IMMP2L: variants seen among roughly 807,000 people sequenced by gnomAD.
IMMP2L encodes mitochondrial inner membrane protease subunit 2.
A neutral mutation model predicts 19.3 loss-of-function variants in IMMP2L; 18 were observed. The observed-to-expected ratio is 0.93, with a 90% CI of 0.64 to 1.38. The LOEUF (loss-of-function observed/expected upper bound fraction) is 1.38, where lower values mean the gene tolerates loss of function less well. IMMP2L is among the 40% of genes most tolerant of loss of function. The probability of loss-of-function intolerance (pLI) is 0.00; values close to 1 mark genes in which losing one functional copy is unlikely to be tolerated. For synonymous variants in IMMP2L, 76 were observed against 73.0 expected, an observed-to-expected ratio of 1.04 and a Z score of -0.21; for missense variants, 233 against 218.2, an observed-to-expected ratio of 1.07 and a Z score of -0.43.
intron 3 of IMMP2L, among the ~76,000 whole-genome samples, chr7:111,121,648 C>A (rs569687468): frequency 3.3e-5 from 5 of 152,126 alleles, no homozygotes; most frequent in Non-Finnish European, 7.4e-5. Context: ...TAAACTAGTT[C>A]AACCATTGTA....
At chr7:110,901,693 T>C (rs1191385260) in intron 4 of IMMP2L, among the ~76,000 whole-genome samples, 2 of 152,228 alleles carry the variant, frequency 1.3e-5, no homozygotes, top group Admixed American at 6.5e-5. Context: ...AGATATTGCA[T>C]ATAAGTAATA....
chr7:111,093,585 A>C (rs1038411025), intron 3 of IMMP2L, among the ~76,000 whole-genome samples: 2 of 152,142 alleles, frequency 1.3e-5, no homozygotes, highest in African/African-American at 2.4e-5. Context: ...AATAGATGAC[A>C]CCTAAGAACA....
At chr7:111,016,729 A>T (rs1301059625) in intron 3 of IMMP2L, among the ~76,000 whole-genome samples, 1 of 98,292 alleles carries the variant, frequency 1.0e-5, no homozygotes, top group African/African-American at 4.3e-5. Flanking sequence ...TTTATATATA[A>T]AATATATATA....
intron 3 of IMMP2L, among the ~76,000 whole-genome samples, chr7:111,462,877 C>T (rs1299436621): frequency 6.6e-6 from 1 of 152,076 alleles, no homozygotes; most frequent in Non-Finnish European, 1.5e-5. Context: ...TATATATACA[C>T]TTAAAAAGAA....
chr7:110,888,331 A>C (rs1810443413), intron 4 of IMMP2L, among the ~76,000 whole-genome samples: 1 of 152,194 alleles, frequency 6.6e-6, no homozygotes, highest in Admixed American at 6.5e-5. Context: ...ATTCTACATG[A>C]AATGTTAATG....
intron 3 of IMMP2L, among the ~76,000 whole-genome samples, chr7:111,109,959 C>A (rs146931470): frequency 6.6e-6 from 1 of 152,220 alleles, no homozygotes; most frequent in African/African-American, 2.4e-5. Flanking sequence ...TATGGTGAAA[C>A]ACTGTGTCTA....
chr7:110,667,566 T>C (rs1169013421), intron 5 of IMMP2L, among the ~76,000 whole-genome samples: 2 of 152,200 alleles, frequency 1.3e-5, no homozygotes, highest in South Asian at 2.1e-4. Flanking sequence ...AAGGGTCAGA[T>C]TCAAAGAGAT....
intron 3 of IMMP2L, among the ~76,000 whole-genome samples, chr7:111,221,275 C>T (rs890169758): frequency 6.6e-6 from 1 of 152,104 alleles, no homozygotes; most frequent in South Asian, 2.1e-4. Context: ...TTCTCTCATA[C>T]TGCTCTAGAG....
At chr7:111,404,922 C>T (rs1304144466) in intron 3 of IMMP2L, among the ~76,000 whole-genome samples, 2 of 152,040 alleles carry the variant, frequency 1.3e-5, no homozygotes, top group Admixed American at 6.6e-5. Flanking sequence ...AAAGTAGTTC[C>T]TTAATTCCTA....
chr7:110,994,407 C>T (rs1445280265), intron 3 of IMMP2L, among the ~76,000 whole-genome samples: 1 of 152,134 alleles, frequency 6.6e-6, no homozygotes, highest in African/African-American at 2.4e-5. Context: ...CATATTTTAG[C>T]TTCCCTTACT....
At chr7:111,236,561 C>G (rs960050645) in intron 3 of IMMP2L, among the ~76,000 whole-genome samples, 5 of 152,102 alleles carry the variant, frequency 3.3e-5, no homozygotes, top group African/African-American at 1.2e-4. Context: ...GATTATTTCT[C>G]CAGCTTTTTG....
At chr7:111,158,609 T>C (rs1414835581) in intron 3 of IMMP2L, among the ~76,000 whole-genome samples, 1 of 152,154 alleles carries the variant, frequency 6.6e-6, no homozygotes, top group Non-Finnish European at 1.5e-5. Flanking sequence ...CCCATACTCA[T>C]GGGTGCTATA....
intron 3 of IMMP2L, among the ~76,000 whole-genome samples, chr7:111,396,280 C>T (rs1410018002): frequency 6.6e-6 from 1 of 151,934 alleles, no homozygotes; most frequent in Non-Finnish European, 1.5e-5. Flanking sequence ...AATGATAAAC[C>T]GGATAAAGAA....
chr7:111,308,647 T>C, intron 3 of IMMP2L, among the ~76,000 whole-genome samples: 1 of 152,044 alleles, frequency 6.6e-6, no homozygotes, highest in African/African-American at 2.4e-5. Context: ...GAAAGAAAAT[T>C]ACATGGAACA....
chr7:110,831,719 T>C (rs1803985161), intron 5 of IMMP2L, among the ~76,000 whole-genome samples: 1 of 152,192 alleles, frequency 6.6e-6, no homozygotes, highest in Non-Finnish European at 1.5e-5. Context: ...AAAAGAAGAA[T>C]GCTCTGGCCT....
chr7:111,535,369 A>C (rs540824850), intron 1 of IMMP2L, among the ~76,000 whole-genome samples: 1 of 152,290 alleles, frequency 6.6e-6, no homozygotes, highest in East Asian at 1.9e-4. Flanking sequence ...GAAAGAAAAA[A>C]ACTGCACACT....
At chr7:111,420,800 C>G (rs1835435728) in intron 3 of IMMP2L, among the ~76,000 whole-genome samples, 1 of 151,778 alleles carries the variant, frequency 6.6e-6, no homozygotes, top group Non-Finnish European at 1.5e-5. Flanking sequence ...TTAATCCAGT[C>G]TATCAATGAT....
chr7:111,528,837 A>G (rs1039851257), intron 1 of IMMP2L, among the ~76,000 whole-genome samples: 1 of 152,194 alleles, frequency 6.6e-6, no homozygotes, highest in African/African-American at 2.4e-5. Context: ...TTCAATCATC[A>G]TAAGCCTACA....
At chr7:110,694,254 G>A (rs1299077286) in intron 5 of IMMP2L, among the ~76,000 whole-genome samples, 1 of 152,096 alleles carries the variant, frequency 6.6e-6, no homozygotes, top group Non-Finnish European at 1.5e-5. Context: ...AGAATTTATT[G>A]TTCTGGGTGA....
Sources: gnomAD v4.1 joint callset for allele counts (sites outside exome capture counted in the v4.1 genomes callset) on GRCh38, gnomAD v4.1.1 for gene constraint, MANE v1.5 for transcripts, NCBI Gene and HGNC (gene_info 2026-07-23, HGNC 2026-07-21) for gene names.